Variants in BICRA observed in about 807,000 individuals in gnomAD.
BICRA encodes BRD4 interacting chromatin remodeling complex associated protein.
A neutral mutation model predicts 96.9 loss-of-function variants in BICRA; 31 were observed. The ratio of observed to expected loss-of-function variants is 0.32; its 90% CI spans 0.24 to 0.43. The LOEUF is 0.43. Ranked by LOEUF, BICRA falls within the 20% of genes least tolerant of loss-of-function variation. The pLI is 1.00. For synonymous variants in BICRA, 1,350 were observed against 1,071.8 expected (o/e 1.26, Z -5.07); for missense variants, 2,283 against 2,190.3 (o/e 1.04, Z -0.84).
intron 1 of BICRA, among the ~76,000 whole-genome samples, chr19:47,611,178 C>T (rs1971901502): frequency 6.6e-6 from 1 of 152,144 alleles, no homozygotes; most frequent in African/African-American, 2.4e-5. Context: ...AACTGTTAAG[C>T]CCTTCTTCTG....
At chr19:47,640,938 C>T (rs1182944208) in intron 1 of BICRA, among the ~76,000 whole-genome samples, 1 of 128,940 alleles carries the variant, frequency 7.8e-6, no homozygotes, top group Admixed American at 9.1e-5. Flanking sequence ...CTCACTCTGT[C>T]ACCCAGGCTG....
intron 1 of BICRA, among the ~76,000 whole-genome samples, chr19:47,658,489 A>G (rs1406956374): frequency 6.6e-6 from 1 of 152,076 alleles, no homozygotes; most frequent in African/African-American, 2.4e-5. Context: ...GGAGTTCGCC[A>G]GGCGTGGTGG....
Position 47,694,367 on chromosome 19 carries a change from C to A in BICRA, c.2536C>A (p.Pro846Thr), listed in dbSNP as rs748830195. 5 of 1,317,578 alleles carry A rather than the reference C, an allele frequency of 3.8e-6. No individual in the cohort carries two copies. The highest frequency in any genetic ancestry group is 3.0e-5 in the African/African-American group (2 of 67,256). 81.6% of individuals were successfully genotyped at this position (1,317,578 alleles called of 1,614,324 possible). ...VIQNQLGVPP[P>T]ASNPAPTAPG... ...CCAAAACCAGCTAGGCGTTCCCCCG[C>A]CTGCCAGCAACCCGGCCCCTACTGC... The change falls in exon 8 of 15, where the codon CCT becomes ACT. Residue 846 changes from proline to threonine, a missense_variant. Coordinates refer to ENST00000594866, the MANE Select transcript of BICRA (RefSeq NM_001394372.1).
In BICRA at chr19:47,680,406, G is replaced by A. The variant is rs918940052; in HGVS notation, c.1236G>A (p.Ser412=). Residue 412 remains serine (S), a synonymous_variant, in exon 6 of 15, where the codon TCG becomes TCA. Coordinates refer to ENST00000594866, the MANE Select transcript of BICRA (RefSeq NM_001394372.1). ...AGGCGGGCCAGAACGTGGTGCTGTC[G>A]GGCTTCCCCGCGCCTGCGCTGCAAG... ...AGKAGQNVVL[S]GFPAPALQAN... 6 of 1,534,638 alleles carry A rather than the reference G, an allele frequency of 3.9e-6. No homozygotes were observed. The African/African-American group carries it at 5.5e-5, about 14-fold the overall frequency.
At chr19:47,676,957 C>T (rs1972951192) in intron 5 of BICRA, among the ~76,000 whole-genome samples, 1 of 152,116 alleles carries the variant, frequency 6.6e-6, no homozygotes. Flanking sequence ...TTGTGACCAT[C>T]TGGCAGTTAA....
At chr19:47,696,300 T>G (rs2123609549) in intron 10 of BICRA, 151 bp from the exon 11 acceptor site, 1 of 666,706 alleles carries the variant, frequency 1.5e-6, no homozygotes, top group Middle Eastern at 2.6e-4. Context: ...TTCATTGTGA[T>G]GGGCAGGGGA....
intron 5 of BICRA, chr19:47,678,881 T>A (rs1385786636): frequency 5.3e-6 from 1 of 187,302 alleles, no homozygotes; most frequent in Non-Finnish European, 1.1e-5. Flanking sequence ...TCTTTTTTCT[T>A]TTTTTTTTCT....
At chr19:47,682,573 T>C (rs1973082149) in intron 7 of BICRA, among the ~76,000 whole-genome samples, 1 of 152,190 alleles carries the variant, frequency 6.6e-6, no homozygotes, top group Non-Finnish European at 1.5e-5. Flanking sequence ...AAATAGATTC[T>C]TTTCCTTCAA....
At chr19:47,613,112 T>C (rs1238602166) in intron 1 of BICRA, among the ~76,000 whole-genome samples, 3 of 152,074 alleles carry the variant, frequency 2.0e-5, no homozygotes, top group Admixed American at 1.3e-4. Context: ...CAGAGGCCTG[T>C]GGCCCTTCCC....
At chr19:47,634,647 CCATCT>C (rs2123527010) in intron 1 of BICRA, among the ~76,000 whole-genome samples, 1 of 152,202 alleles carries the variant, frequency 6.6e-6, no homozygotes, top group South Asian at 2.1e-4. Context: ...CTGCTTCTCT[CCATCT>C]CAGTAAACGG....
chr19:47,664,933 T>A (rs1054156324), intron 1 of BICRA, among the ~76,000 whole-genome samples: 1 of 152,142 alleles, frequency 6.6e-6, no homozygotes, highest in Non-Finnish European at 1.5e-5. Context: ...AGCGGACAGA[T>A]GGTTAAAAAG....
chr19:47,694,219 C>A lies in BICRA; in HGVS notation c.2388C>A (p.Pro796=). ...GCCCCCACCTGCCCTCCCCACACCC[C>A]ACCCGGCCCCCTTCCCGCCCACCCT... ...GDSPHLPSPH[P]TRPPSRPPSR... The change falls in exon 8 of 15, where the codon CCC becomes CCA. Residue 796 remains proline (P), a synonymous_variant. Transcript: ENST00000594866. The A allele has an allele frequency of 1.6e-6, 2 of 1,236,288 alleles. No individual in the cohort carries two copies. The highest frequency in any genetic ancestry group is 2.2e-6 in the Non-Finnish European group (2 of 909,842). The allele number at this position is 1,236,288 out of a possible 1,614,324, so 76.6% of individuals were successfully genotyped here. A position where few individuals can be genotyped will look rare whatever the true frequency, so the allele number is the denominator to read the frequency against.
chr19:47,613,734 G>C (rs981539545), intron 1 of BICRA, among the ~76,000 whole-genome samples: 1 of 152,084 alleles, frequency 6.6e-6, no homozygotes, highest in Non-Finnish European at 1.5e-5. Flanking sequence ...GGGGTCCCCA[G>C]GGAGTGTCTC....
chr19:47,644,646 G>A (rs972127458), intron 1 of BICRA, among the ~76,000 whole-genome samples: 2 of 151,716 alleles, frequency 1.3e-5, no homozygotes, highest in East Asian at 1.9e-4. Context: ...GATTACAGGC[G>A]CCCGCCACTA....
At chr19:47,657,520 C>A (rs1438097653) in intron 1 of BICRA, among the ~76,000 whole-genome samples, 1 of 151,944 alleles carries the variant, frequency 6.6e-6, no homozygotes, top group Non-Finnish European at 1.5e-5. Context: ...CCTCAGCCTC[C>A]CAAGTAGCTG....
intron 1 of BICRA, among the ~76,000 whole-genome samples, chr19:47,609,470 T>C (rs2123497471): frequency 1.2e-5 from 1 of 81,484 alleles, no homozygotes; most frequent in Non-Finnish European, 3.2e-5. Flanking sequence ...GCCCCGATCC[T>C]ATGGGGACCC....
intron 1 of BICRA, among the ~76,000 whole-genome samples, chr19:47,620,677 A>AAC (rs947492401): frequency 1.3e-5 from 2 of 150,680 alleles, no homozygotes; most frequent in African/African-American, 4.9e-5. Flanking sequence ...CAAAAAAAAA[A>AAC]AAAAAAAAAA....
At chr19:47,689,716 C>T (rs1599860225) in intron 7 of BICRA, among the ~76,000 whole-genome samples, 1 of 152,156 alleles carries the variant, frequency 6.6e-6, no homozygotes, top group Non-Finnish European at 1.5e-5. Flanking sequence ...GCCTGGCCAC[C>T]TGGCCTAATT....
At chr19:47,648,933 G>C (rs934650855) in intron 1 of BICRA, among the ~76,000 whole-genome samples, 12 of 151,020 alleles carry the variant, frequency 7.9e-5, no homozygotes, top group African/African-American at 2.9e-4. Flanking sequence ...CTCACTGCAA[G>C]CTCCGCCTCC....
Sources: allele counts gnomAD v4.1 joint callset (sites outside exome capture counted in the v4.1 genomes callset), GRCh38; gene constraint gnomAD v4.1.1; transcripts MANE v1.5; gene names NCBI Gene and HGNC (gene_info 2026-07-23, HGNC 2026-07-21).